The following SLC44A5 variants were observed in gnomAD, a reference collection of about 807,000 sequenced individuals.
SLC44A5 encodes the protein choline transporter-like protein 5.
SLC44A5 carries 57 observed loss-of-function variants against 101.8 expected under a neutral mutation model. That is an observed-to-expected ratio of 0.56 (90% confidence interval 0.45 to 0.70). The LOEUF (loss-of-function observed/expected upper bound fraction) is 0.70, where lower values mean the gene tolerates loss of function less well. Among genes scored for constraint, SLC44A5 ranks in the 30% least tolerant of loss-of-function variants. SLC44A5 has a pLI of 0.00. For missense variants in SLC44A5, 737 were observed against 853.1 expected (o/e 0.86, Z 1.70); for synonymous variants, 281 against 290.9 (o/e 0.97, Z 0.35).
At chr1:75,392,791 G>A (rs1175114190) in intron 3 of SLC44A5, among the ~76,000 whole-genome samples, 1 of 152,130 alleles carries the variant, frequency 6.6e-6, no homozygotes, top group Admixed American at 6.6e-5. Flanking sequence ...AGAAACTGTG[G>A]TACATATACA....
intron 2 of SLC44A5, among the ~76,000 whole-genome samples, chr1:75,476,754 C>T (rs1041770135): frequency 1.4e-4 from 21 of 152,360 alleles, no homozygotes; most frequent in Admixed American, 6.5e-4. Context: ...CAGGGAAGCT[C>T]GAACTGGGTG....
the SLC44A5 span, among the ~76,000 whole-genome samples, chr1:75,695,162 T>C: frequency 6.6e-6 from 1 of 152,172 alleles, no homozygotes; most frequent in African/African-American, 2.4e-5. Context: ...ATAACCACCA[T>C]CTCTGTGCAG....
At chr1:75,668,805 G>T in the SLC44A5 span, among the ~76,000 whole-genome samples, 13 of 151,348 alleles carry the variant, frequency 8.6e-5, no homozygotes, top group Non-Finnish European at 1.6e-4. Context: ...GACCAGCCTG[G>T]CCAACATGGC....
chr1:75,442,679 C>T (rs1016759826), intron 2 of SLC44A5, among the ~76,000 whole-genome samples: 1 of 152,100 alleles, frequency 6.6e-6, no homozygotes, highest in African/African-American at 2.4e-5. Context: ...CCCATTTGTC[C>T]TTCTTGTATT....
intron 4 of SLC44A5, among the ~76,000 whole-genome samples, chr1:75,336,267 T>A (rs1228574764): frequency 6.6e-6 from 1 of 152,062 alleles, no homozygotes; most frequent in African/African-American, 2.4e-5. Flanking sequence ...GCGATTCTCC[T>A]GCCTCAGCCT....
chr1:75,345,420 GA>G (rs1263791050), intron 3 of SLC44A5, among the ~76,000 whole-genome samples: 1 of 151,868 alleles, frequency 6.6e-6, no homozygotes, highest in African/African-American at 2.4e-5. Flanking sequence ...ATAATGGAGG[GA>G]AAAAAAGTTG....
chr1:75,656,745 T>C, the SLC44A5 span, among the ~76,000 whole-genome samples: 1 of 151,836 alleles, frequency 6.6e-6, no homozygotes, highest in Non-Finnish European at 1.5e-5. Flanking sequence ...AGGAATACAG[T>C]AAGAAAAAAG....
chr1:75,287,423 ATTCTTT>A (rs1653148211), intron 5 of SLC44A5, among the ~76,000 whole-genome samples: 1 of 20,170 alleles, frequency 5.0e-5, no homozygotes, highest in South Asian at 1.8e-3. Context: ...GACCTTCTGA[ATTCTTT>A]TTTTTTTTTT....
intron 5 of SLC44A5, among the ~76,000 whole-genome samples, chr1:75,286,801 G>A (rs1045398072): frequency 1.3e-5 from 2 of 152,086 alleles, no homozygotes; most frequent in Admixed American, 6.5e-5. Flanking sequence ...AGCTTGCAGG[G>A]TTTCTGCTGA....
In SLC44A5 at chr1:75,257,912, G is replaced by C. The variant is rs143670377; in HGVS notation, c.261-6618C>G. ...AGCCCAGGGAGGGCGAGCCAAAGCA[G>C]GGTGGGTTGTCACCTCACCCAGGAA... On this transcript the variant is annotated intron_variant, in intron 6 of 23. Coordinates refer to ENST00000370859, the MANE Select transcript of SLC44A5 (RefSeq NM_001130058.2). Among the ~76,000 whole-genome samples, 273 of 152,230 alleles carry C rather than the reference G, an allele frequency of 1.8e-3. 2 individuals carry two copies. Among genetic ancestry groups the C allele is most frequent in the African/African-American group, 6.3e-3 (263 of 41,504 alleles).
intron 3 of SLC44A5, among the ~76,000 whole-genome samples, chr1:75,345,773 A>T (rs1451170726): frequency 6.6e-6 from 1 of 152,194 alleles, no homozygotes; most frequent in Non-Finnish European, 1.5e-5. Context: ...GCACATTACC[A>T]GGAGTTGGAG....
chr1:75,226,033 A>G (rs907783023), intron 13 of SLC44A5, among the ~76,000 whole-genome samples: 1 of 152,192 alleles, frequency 6.6e-6, no homozygotes, highest in African/African-American at 2.4e-5. Flanking sequence ...AGGTTGCTGA[A>G]GAGATGTGGA....
intron 2 of SLC44A5, among the ~76,000 whole-genome samples, chr1:75,526,280 A>G (rs150281847): frequency 1.9e-3 from 288 of 152,308 alleles, no homozygotes; most frequent in Non-Finnish European, 3.3e-3. Context: ...GAAATAGAGC[A>G]CAGAATCAGT....
At chr1:75,579,272 A>G (rs1024827517) in intron 1 of SLC44A5, among the ~76,000 whole-genome samples, 2 of 152,192 alleles carry the variant, frequency 1.3e-5, no homozygotes, top group Admixed American at 1.3e-4. Context: ...GAACTTGACC[A>G]GAACACATAA....
chr1:75,577,482 CT>C (rs1185629329), intron 1 of SLC44A5, among the ~76,000 whole-genome samples: 10 of 152,180 alleles, frequency 6.6e-5, no homozygotes, highest in African/African-American at 2.4e-4. Context: ...GGCCTTTCTT[CT>C]TCCAGACATC....
chr1:75,589,403 G>A (rs1418855992), intron 1 of SLC44A5, among the ~76,000 whole-genome samples: 1 of 152,138 alleles, frequency 6.6e-6, no homozygotes, highest in Non-Finnish European at 1.5e-5. Flanking sequence ...TAACTCTAAT[G>A]ACTACTCAAC....
At chr1:75,506,784 A>G (rs1264527543) in intron 2 of SLC44A5, among the ~76,000 whole-genome samples, 1 of 151,544 alleles carries the variant, frequency 6.6e-6, no homozygotes, top group East Asian at 1.9e-4. Context: ...AAAGAGAGAT[A>G]ATTTGACTTA....
rs142943951 is a variant in SLC44A5, at chr1:75,531,064, C to T, written c.13+10371G>A. Among the ~76,000 whole-genome samples the T allele has an allele frequency of 7.3e-4, 111 of 152,248 alleles. 1 individual carries two copies. The East Asian group carries it at 0.018, about 24-fold the overall frequency. ...GGCCTATTGCAGCTTTATCAAGATG[C>T]GCTCCACAGGACAATAACATGGGAA... On this transcript the variant is annotated intron_variant, in intron 2 of 23. Transcript: ENST00000370859.
chr1:75,274,144 T>C (rs1182889241), intron 6 of SLC44A5, among the ~76,000 whole-genome samples: 3 of 151,992 alleles, frequency 2.0e-5, no homozygotes, highest in African/African-American at 7.2e-5. Flanking sequence ...TTTTTTGTTG[T>C]TGTTCTTGGA....
Sources: gnomAD v4.1 joint callset for allele counts (sites outside exome capture counted in the v4.1 genomes callset) on GRCh38, gnomAD v4.1.1 for gene constraint, MANE v1.5 for transcripts, NCBI Gene and HGNC (gene_info 2026-07-23, HGNC 2026-07-21) for gene names.